AGBL1: variants seen among roughly 807,000 people sequenced by gnomAD.
AGBL1 encodes AGBL carboxypeptidase 1.
A neutral mutation model predicts 118.9 loss-of-function variants in AGBL1; 130 were observed. The observed-to-expected ratio is 1.09, with a 90% CI of 0.95 to 1.26. The LOEUF (loss-of-function observed/expected upper bound fraction) is 1.26, where lower values mean the gene tolerates loss of function less well. Ranked by LOEUF, AGBL1 falls within the 50% of genes most tolerant of loss-of-function variation. AGBL1 has a pLI of 0.00. For synonymous variants in AGBL1, 555 were observed against 478.9 expected, an observed-to-expected ratio of 1.16 and a Z score of -2.08; for missense variants, 1,584 against 1,298.1, an observed-to-expected ratio of 1.22 and a Z score of -3.38.
intron 23 of AGBL1, among the ~76,000 whole-genome samples, chr15:86,986,253 A>G (rs2081281298): frequency 6.6e-6 from 1 of 152,192 alleles, no homozygotes; most frequent in South Asian, 2.1e-4. Flanking sequence ...TACTATCTGT[A>G]AAGAATTAAA....
intron 22 of AGBL1, among the ~76,000 whole-genome samples, chr15:86,861,183 T>A (rs748443753): frequency 6.6e-6 from 1 of 152,208 alleles, no homozygotes; most frequent in Non-Finnish European, 1.5e-5. Context: ...AGGTATCTAT[T>A]TTCTCTTCAG....
At chr15:86,120,648 C>T (rs2080964255) in intron 1 of AGBL1, among the ~76,000 whole-genome samples, 1 of 152,170 alleles carries the variant, frequency 6.6e-6, no homozygotes, top group South Asian at 2.1e-4. Context: ...AATTGTTTCT[C>T]ACTAATTGTG....
chr15:86,832,372 T>G (rs2079117158), intron 22 of AGBL1, among the ~76,000 whole-genome samples: 1 of 152,222 alleles, frequency 6.6e-6, no homozygotes, highest in Admixed American at 6.5e-5. Flanking sequence ...TTATATTTTT[T>G]GCTTCCCTTT....
intron 24 of AGBL1, among the ~76,000 whole-genome samples, chr15:87,002,490 AG>A (rs2081450616): frequency 6.6e-6 from 1 of 152,014 alleles, no homozygotes; most frequent in Non-Finnish European, 1.5e-5. Context: ...TGAACTTTAA[AG>A]TCGTTTTTTC....
chr15:86,642,515 G>T (rs751410345), intron 21 of AGBL1, among the ~76,000 whole-genome samples: 1 of 151,962 alleles, frequency 6.6e-6, no homozygotes, highest in Non-Finnish European at 1.5e-5. Flanking sequence ...AAAAAAAATT[G>T]TGTTAAAGAG....
intron 1 of AGBL1, among the ~76,000 whole-genome samples, chr15:86,095,173 C>A (rs1358456219): frequency 6.6e-6 from 1 of 152,136 alleles, no homozygotes; most frequent in Admixed American, 6.5e-5. Flanking sequence ...TAGGGTGCAC[C>A]ACCCTACTAG....
At chr15:86,784,902 T>A (rs888803190) in intron 22 of AGBL1, among the ~76,000 whole-genome samples, 1 of 152,160 alleles carries the variant, frequency 6.6e-6, no homozygotes, top group South Asian at 2.1e-4. Context: ...AACTTTTCTA[T>A]AAATCAAGTT....
At chr15:86,245,208 T>C (rs2078701065) in intron 6 of AGBL1, among the ~76,000 whole-genome samples, 1 of 152,164 alleles carries the variant, frequency 6.6e-6, no homozygotes, top group South Asian at 2.1e-4. Flanking sequence ...AAAAATCCCC[T>C]CTGGAATAAA....
Position 86,271,764 on chromosome 15 carries a change from C to T in AGBL1, c.2075+58C>T, listed in dbSNP as rs1597660143. 5 of 1,464,568 alleles carry T rather than the reference C, an allele frequency of 3.4e-6. No individual in the cohort carries two copies. In the East Asian group the frequency reaches 9.1e-5, roughly 27 times the overall value. 90.7% of individuals were successfully genotyped at this position (1,464,568 alleles called of 1,614,324 possible). A position where few individuals can be genotyped will look rare whatever the true frequency, so the allele number is the denominator to read the frequency against. ...TGTCCTGTAATTTTCTCTCAATTTC[C>T]CACTTTTCCATATTGATCTTATAAA... On this transcript the variant is annotated intron_variant, in intron 15 of 22. Transcript: ENST00000614907.
intron 5 of AGBL1, among the ~76,000 whole-genome samples, chr15:86,196,879 GCACACACACACACACACACACACACACA>G (rs59632011): frequency 8.5e-6 from 1 of 116,962 alleles, no homozygotes; most frequent in South Asian, 3.1e-4. Flanking sequence ...GCGCGCGCGC[GCACACACACACACACACACACACACACA>G]CACACACACA....
intron 1 of AGBL1, among the ~76,000 whole-genome samples, chr15:86,134,413 G>T (rs970997900): frequency 6.6e-5 from 10 of 152,148 alleles, no homozygotes; most frequent in African/African-American, 9.7e-5. Context: ...TTATGGGCTT[G>T]TTCTTTCAGT....
chr15:86,843,338 T>A (rs1165753178), intron 22 of AGBL1, among the ~76,000 whole-genome samples: 2 of 140,982 alleles, frequency 1.4e-5, no homozygotes, highest in African/African-American at 2.5e-5. Flanking sequence ...AAGCCAGGAC[T>A]TTTTTTTTTT....
chr15:86,306,541 C>T (rs11073629), intron 17 of AGBL1, among the ~76,000 whole-genome samples: 24,073 of 152,012 alleles, frequency 0.16, 2,083 homozygotes, highest in Admixed American at 0.2. Context: ...TATGTAACCA[C>T]GTTTTCTTTA....
intron 22 of AGBL1, among the ~76,000 whole-genome samples, chr15:86,781,759 T>C (rs959859210): frequency 6.6e-6 from 1 of 152,186 alleles, no homozygotes; most frequent in Non-Finnish European, 1.5e-5. Flanking sequence ...GAGCCTCAGC[T>C]TGAGGCTTAT....
At chr15:86,967,013 C>T (rs1421790901) in intron 23 of AGBL1, among the ~76,000 whole-genome samples, 1 of 152,086 alleles carries the variant, frequency 6.6e-6, no homozygotes, top group Non-Finnish European at 1.5e-5. Context: ...TTGATGATGG[C>T]CATTTTAACT....
chr15:86,206,045 C>T lies in AGBL1; in HGVS notation c.489-18869C>T, dbSNP rs544963814. Among the ~76,000 whole-genome samples, 317 of 152,174 alleles carry T rather than the reference C, an allele frequency of 2.1e-3. 2 individuals are homozygous for T. The highest frequency in any genetic ancestry group is 7.4e-3 in the African/African-American group (309 of 41,492). ...CCTGTGTCCAAGTGTTCTCATTGTT[C>T]GATTCTGACATATGAGTGAGAACAT... On this transcript the variant is annotated intron_variant, in intron 5 of 22. Coordinates refer to ENST00000614907, the MANE Select transcript of AGBL1 (RefSeq NM_001386094.1).
intron 22 of AGBL1, among the ~76,000 whole-genome samples, chr15:86,763,128 C>A (rs2078049355): frequency 6.6e-6 from 1 of 152,052 alleles, no homozygotes; most frequent in East Asian, 1.9e-4. Context: ...AAATCACACT[C>A]CTTTACCTAG....
chr15:86,521,540 A>G (rs2083188913), intron 18 of AGBL1, among the ~76,000 whole-genome samples: 1 of 152,152 alleles, frequency 6.6e-6, no homozygotes, highest in Non-Finnish European at 1.5e-5. Flanking sequence ...TCAGGATGTT[A>G]TTGCAGCAAA....
At chr15:86,973,513 G>C (rs569214945) in intron 23 of AGBL1, among the ~76,000 whole-genome samples, 1 of 151,866 alleles carries the variant, frequency 6.6e-6, no homozygotes, top group African/African-American at 2.4e-5. Flanking sequence ...TCTCATGTCA[G>C]GTTGGCCTAG....
Sources: gnomAD v4.1 joint callset for allele counts (sites outside exome capture counted in the v4.1 genomes callset) on GRCh38, gnomAD v4.1.1 for gene constraint, MANE v1.5 for transcripts, NCBI Gene and HGNC (gene_info 2026-07-23, HGNC 2026-07-21) for gene names.